Variants in CHN2 observed in about 807,000 individuals in gnomAD.
CHN2 encodes the protein beta-chimaerin.
Under a neutral mutation model 56.3 loss-of-function variants are expected in CHN2, and 35 were observed. The ratio of observed to expected loss-of-function variants is 0.62; its 90% CI spans 0.47 to 0.82. The LOEUF (loss-of-function observed/expected upper bound fraction) is 0.82, where lower values mean the gene tolerates loss of function less well. Ranked by LOEUF, CHN2 falls within the 40% of genes least tolerant of loss-of-function variation. The probability of loss-of-function intolerance (pLI) is 0.00; values close to 1 mark genes in which losing one functional copy is unlikely to be tolerated. For missense variants in CHN2, 491 were observed against 580.5 expected, an observed-to-expected ratio of 0.85 and a Z score of 1.58; for synonymous variants, 210 against 212.8, an observed-to-expected ratio of 0.99 and a Z score of 0.12.
intron 2 of CHN2, among the ~76,000 whole-genome samples, chr7:29,360,250 A>G (rs1011902668): frequency 1.1e-4 from 16 of 152,334 alleles, no homozygotes; most frequent in Admixed American, 5.2e-4. Context: ...GGCCGGGTGC[A>G]GTGGCTCACG....
At chr7:29,305,231 A>G (rs555000694) in intron 1 of CHN2, among the ~76,000 whole-genome samples, 71 of 152,290 alleles carry the variant, frequency 4.7e-4, no homozygotes, top group African/African-American at 1.7e-3. Context: ...ATCATTCCAG[A>G]GAAAGAAGAG....
At chr7:29,448,195 G>A (rs765933952) in intron 6 of CHN2, among the ~76,000 whole-genome samples, 4 of 151,814 alleles carry the variant, frequency 2.6e-5, no homozygotes, top group Non-Finnish European at 5.9e-5. Flanking sequence ...TTATAGGTAC[G>A]CAATACCTTA....
intron 6 of CHN2, among the ~76,000 whole-genome samples, chr7:29,459,500 A>G (rs1784997387): frequency 6.6e-6 from 1 of 152,208 alleles, no homozygotes; most frequent in South Asian, 2.1e-4. Context: ...TTCATGAGAT[A>G]AAACCTCCGT....
chr7:29,465,957 A>C (rs1364652628), intron 6 of CHN2, among the ~76,000 whole-genome samples: 1 of 152,218 alleles, frequency 6.6e-6, no homozygotes, highest in South Asian at 2.1e-4. Flanking sequence ...TGATCCCAGC[A>C]CTTTGGGAGG....
At chr7:29,176,998 C>A (rs916636781) in intron 2 of CHN2, among the ~76,000 whole-genome samples, 1 of 151,622 alleles carries the variant, frequency 6.6e-6, no homozygotes, top group East Asian at 1.9e-4. Flanking sequence ...GAAAAAAAAT[C>A]ATTTAATACA....
chr7:29,294,768 C>T (rs767657523), intron 1 of CHN2, among the ~76,000 whole-genome samples: 14 of 152,242 alleles, frequency 9.2e-5, no homozygotes, highest in Admixed American at 3.9e-4. Flanking sequence ...GCACCATCCC[C>T]TCCCTGCCTG....
intron 1 of CHN2, among the ~76,000 whole-genome samples, chr7:29,259,037 A>AG (rs1470846579): frequency 1.3e-5 from 2 of 151,976 alleles, no homozygotes; most frequent in African/African-American, 4.8e-5. Context: ...AAAAAAAAAA[A>AG]AAAGAATGGG....
chr7:29,164,007 T>C (rs1795550354), intron 2 of CHN2, among the ~76,000 whole-genome samples: 1 of 152,230 alleles, frequency 6.6e-6, no homozygotes, highest in Non-Finnish European at 1.5e-5. Flanking sequence ...TGTGGACATA[T>C]GCTTTCGTTT....
At chr7:29,283,907 G>A (rs1010812679) in intron 1 of CHN2, among the ~76,000 whole-genome samples, 1 of 131,348 alleles carries the variant, frequency 7.6e-6, no homozygotes, top group African/African-American at 2.8e-5. Context: ...AGGAGCCACC[G>A]TTCCCAGCCA....
intron 1 of CHN2, among the ~76,000 whole-genome samples, chr7:29,321,570 C>CTTTTTTTTT (rs59651474): frequency 1.6e-5 from 2 of 128,186 alleles, no homozygotes; most frequent in African/African-American, 2.9e-5. Context: ...TTCTTTCTTT[C>CTTTTTTTTT]TTTTTTTTTT....
Position 29,393,711 on chromosome 7 carries a change from G to A in CHN2, c.176+1G>A. ...ACAGACCAAAATATTATGGAAGAGA[G>A]TATGTATTATACTATTCTTTGTTTT... On this transcript the variant is annotated splice_donor_variant, in intron 4 of 12. Coordinates refer to ENST00000222792, the MANE Select transcript of CHN2 (RefSeq NM_004067.4). LOFTEE classifies it high-confidence loss of function. 1 of 858,994 alleles carries A rather than the reference G, an allele frequency of 1.2e-6. No individual in the cohort carries two copies. Among genetic ancestry groups the A allele is most frequent in the South Asian group, 1.5e-5 (1 of 68,292 alleles). 53.2% of individuals were successfully genotyped at this position (858,994 alleles called of 1,614,324 possible). A position where few individuals can be genotyped will look rare whatever the true frequency, so the allele number is the denominator to read the frequency against.
chr7:29,460,076 C>T (rs1304246911), intron 6 of CHN2, among the ~76,000 whole-genome samples: 1 of 151,524 alleles, frequency 6.6e-6, no homozygotes, highest in East Asian at 2.0e-4. Flanking sequence ...CATTGAATCA[C>T]CAGATTAAAA....
chr7:29,262,763 T>G (rs956292602), intron 1 of CHN2, among the ~76,000 whole-genome samples: 15 of 152,150 alleles, frequency 9.9e-5, no homozygotes, highest in Admixed American at 4.6e-4. Context: ...ACTGTATACT[T>G]GAAAATGGTG....
chr7:29,274,696 A>T (rs1791036879), intron 1 of CHN2, among the ~76,000 whole-genome samples: 1 of 152,192 alleles, frequency 6.6e-6, no homozygotes, highest in African/African-American at 2.4e-5. Context: ...CAGATCAAAG[A>T]GAAGCTATTA....
chr7:29,481,257 G>A lies in CHN2; in HGVS notation c.654+901G>A, dbSNP rs79000787. Among the ~76,000 whole-genome samples, 258 of 152,300 alleles carry A rather than the reference G, an allele frequency of 1.7e-3. 1 individual carries two copies. Among genetic ancestry groups the A allele is most frequent in the African/African-American group, 5.7e-3 (235 of 41,562 alleles). ...GGATCCAGGAAGAAAACAATAGGCA[G>A]GAGAAGCAAAATGTGAATTGCTTTC... On this transcript the variant is annotated intron_variant, in intron 7 of 12. Transcript: ENST00000222792.
intron 1 of CHN2, among the ~76,000 whole-genome samples, chr7:29,351,122 A>AAAAAC (rs1797849537): frequency 6.6e-6 from 1 of 151,616 alleles, no homozygotes; most frequent in Non-Finnish European, 1.5e-5. Flanking sequence ...AAAAAAAAAA[A>AAAAAC]AAAAAAAATT....
intron 7 of CHN2, among the ~76,000 whole-genome samples, chr7:29,492,418 A>G (rs1340223794): frequency 1.3e-5 from 2 of 152,072 alleles, no homozygotes; most frequent in Admixed American, 6.6e-5. Flanking sequence ...GTGTCTCACT[A>G]CGAATTCTGG....
chr7:29,316,153 C>G (rs1794941371), intron 1 of CHN2, among the ~76,000 whole-genome samples: 1 of 152,198 alleles, frequency 6.6e-6, no homozygotes, highest in Non-Finnish European at 1.5e-5. Context: ...TGTGAGCATT[C>G]ATGTTTCTTT....
At chr7:29,416,351 T>G (rs1191432540) in intron 6 of CHN2, among the ~76,000 whole-genome samples, 1 of 152,222 alleles carries the variant, frequency 6.6e-6, no homozygotes, top group African/African-American at 2.4e-5. Context: ...AGTTATCTAC[T>G]AATGAAATAG....
Sources: allele counts gnomAD v4.1 joint callset (sites outside exome capture counted in the v4.1 genomes callset), GRCh38; gene constraint gnomAD v4.1.1; transcripts MANE v1.5; gene names NCBI Gene and HGNC (gene_info 2026-07-23, HGNC 2026-07-21).